The following FHOD3 variants were observed in gnomAD, a reference collection of about 807,000 sequenced individuals.
The protein encoded by FHOD3 is formin homology 2 domain containing 3.
FHOD3 carries 90 observed loss-of-function variants against 173.0 expected under a neutral mutation model. That is an observed-to-expected ratio of 0.52 (90% CI 0.44 to 0.62). The LOEUF (loss-of-function observed/expected upper bound fraction) is 0.62. FHOD3 is among the 20% of genes least tolerant of loss of function. FHOD3 has a pLI of 0.00. For synonymous variants in FHOD3, 828 were observed against 823.0 expected (o/e 1.01, Z -0.10); for missense variants, 1,945 against 2,034.7 (o/e 0.96, Z 0.85).
chr18:36,618,947 G>A (rs2033469485), intron 9 of FHOD3, among the ~76,000 whole-genome samples: 1 of 152,126 alleles, frequency 6.6e-6, no homozygotes, highest in South Asian at 2.1e-4. Flanking sequence ...TTTCAGTGGT[G>A]TCCTTATCAG....
intron 21 of FHOD3, among the ~76,000 whole-genome samples, 165 bp from the exon 22 acceptor site, chr18:36,742,572 G>A (rs2041955306): frequency 6.6e-6 from 1 of 152,108 alleles, no homozygotes; most frequent in Non-Finnish European, 1.5e-5. Flanking sequence ...GGGAGTAGAG[G>A]CTCTCCCTGC....
intron 20 of FHOD3, among the ~76,000 whole-genome samples, 163 bp downstream of exon 20, chr18:36,730,967 G>A (rs1393060706): frequency 2.0e-5 from 3 of 152,060 alleles, no homozygotes; most frequent in African/African-American, 7.3e-5. Context: ...GAGGGGAGGG[G>A]GAGTCTCACT....
At chr18:36,671,159 C>G (rs764026863) in intron 14 of FHOD3, among the ~76,000 whole-genome samples, 3 of 152,250 alleles carry the variant, frequency 2.0e-5, no homozygotes, top group Non-Finnish European at 4.4e-5. Context: ...AGGTCTCTCT[C>G]TCTCTGTATA....
chr18:36,464,610 A>G lies in FHOD3; in HGVS notation c.338-37322A>G, dbSNP rs559887250. On this transcript the variant is annotated intron_variant, in intron 3 of 28. Transcript: ENST00000590592. ...ACTTCTTTTCCTTTGGTGACTGCCA[A>G]TGTGATAACTTACAGAAGGGGAAAG... is the stretch of plus-strand genomic sequence containing the variant. Among the ~76,000 whole-genome samples, 13 of 152,268 alleles carry G rather than the reference A, an allele frequency of 8.5e-5. No individual in the cohort carries two copies. In the East Asian group the frequency reaches 1.4e-3, roughly 16 times the overall value.
rs754924572 is a variant in FHOD3, at chr18:36,602,705, C to A, written c.750C>A (p.Ile250=). The part of the protein sequence containing the change: ...GVKPWSNIME[I]LEEKDGVDTE... ...AACCTTGGTCAAATATCATGGAAAT[C>A]CTGGAGGAAAAAGATGGAGTTGATA... The change falls in exon 8 of 29, where the codon ATC becomes ATA. Residue 250 remains isoleucine, a synonymous_variant. Transcript: ENST00000590592. 1.2e-6 allele frequency: 2 copies of A among 1,614,096 alleles called. No individual in the cohort carries two copies. Among genetic ancestry groups the A allele is most frequent in the Non-Finnish European group, 8.5e-7 (1 of 1,180,002 alleles).
intron 1 of FHOD3, among the ~76,000 whole-genome samples, chr18:36,324,322 A>G (rs2044556249): frequency 6.6e-6 from 1 of 152,232 alleles, no homozygotes. Context: ...TTGAGAAGGC[A>G]AAGATTTCAA....
At chr18:36,300,519 A>G (rs1033304995) in intron 1 of FHOD3, among the ~76,000 whole-genome samples, 2 of 152,178 alleles carry the variant, frequency 1.3e-5, no homozygotes, top group African/African-American at 4.8e-5. Context: ...TGGGTGAGCT[A>G]TCATACCAGG....
chr18:36,551,276 G>C (rs1182560557), intron 5 of FHOD3, among the ~76,000 whole-genome samples: 2 of 151,944 alleles, frequency 1.3e-5, no homozygotes, highest in African/African-American at 4.8e-5. Flanking sequence ...TGTTGGATTT[G>C]GTTGGCTAAA....
At chr18:36,645,481 A>G (rs1210631021) in intron 10 of FHOD3, among the ~76,000 whole-genome samples, 1 of 152,100 alleles carries the variant, frequency 6.6e-6, no homozygotes, top group Non-Finnish European at 1.5e-5. Flanking sequence ...CTGCCATGAC[A>G]GGAGGGATGC....
At chr18:36,445,106 G>T (rs1197541960) in intron 3 of FHOD3, among the ~76,000 whole-genome samples, 1 of 152,222 alleles carries the variant, frequency 6.6e-6, no homozygotes. Context: ...ACAGTTAGTG[G>T]TTGTAGAGAT....
chr18:36,335,278 G>A (rs1414898847), intron 1 of FHOD3, among the ~76,000 whole-genome samples: 1 of 151,938 alleles, frequency 6.6e-6, no homozygotes, highest in East Asian at 1.9e-4. Context: ...GGCGGATCAC[G>A]AGGTCAGGAG....
At chr18:36,625,184 G>A (rs2034002637) in intron 9 of FHOD3, among the ~76,000 whole-genome samples, 1 of 152,166 alleles carries the variant, frequency 6.6e-6, no homozygotes, top group Non-Finnish European at 1.5e-5. Flanking sequence ...GATGGTGAAG[G>A]CCCGGGAAAT....
At position 36,612,227 on chromosome 18, in the gene FHOD3, T is replaced by A. The variant is rs1030975815; in HGVS notation, c.957+132T>A. On this transcript the variant is annotated intron_variant, in intron 9 of 28. Coordinates refer to ENST00000590592, the MANE Select transcript of FHOD3 (RefSeq NM_001281740.3). ...TTATTAGAAACTCAGCATCGTAGGC[T>A]TCACCCCAGACCTACTGAATCAGAA... is the stretch of plus-strand genomic sequence containing the variant. 165 of 955,568 alleles carry A rather than the reference T, an allele frequency of 1.7e-4. 1 individual carries two copies. The highest frequency in any genetic ancestry group is 1.5e-5 in the Non-Finnish European group (10 of 659,186). 59.2% of individuals were successfully genotyped at this position (955,568 alleles called of 1,614,324 possible). A position where few individuals can be genotyped will look rare whatever the true frequency, so the allele number is the denominator to read the frequency against.
intron 5 of FHOD3, among the ~76,000 whole-genome samples, chr18:36,567,305 G>C (rs1161709346): frequency 6.6e-6 from 1 of 152,172 alleles, no homozygotes; most frequent in African/African-American, 2.4e-5. Context: ...AAGAGATGGA[G>C]GAAGGGAAAA....
At chr18:36,680,281 A>G (rs1234929727) in intron 14 of FHOD3, among the ~76,000 whole-genome samples, 1 of 152,172 alleles carries the variant, frequency 6.6e-6, no homozygotes, top group Non-Finnish European at 1.5e-5. Flanking sequence ...TGTGGGACTC[A>G]TGGCAGTCTG....
chr18:36,385,884 G>C (rs1033487154), intron 3 of FHOD3, among the ~76,000 whole-genome samples: 2 of 152,178 alleles, frequency 1.3e-5, no homozygotes, highest in Non-Finnish European at 2.9e-5. Flanking sequence ...AGGGGCTGTT[G>C]GCATGGAGGA....
intron 27 of FHOD3, among the ~76,000 whole-genome samples, chr18:36,761,353 G>A (rs2042869995): frequency 6.6e-6 from 1 of 152,152 alleles, no homozygotes; most frequent in South Asian, 2.1e-4. Flanking sequence ...TCATTAGAAG[G>A]GATTAAGATG....
At chr18:36,552,561 C>T (rs1408373522) in intron 5 of FHOD3, among the ~76,000 whole-genome samples, 6 of 150,594 alleles carry the variant, frequency 4.0e-5, no homozygotes, top group Non-Finnish European at 5.9e-5. Flanking sequence ...TGCAGTGGCG[C>T]GATCTCGGCT....
intron 3 of FHOD3, among the ~76,000 whole-genome samples, chr18:36,448,583 G>T (rs1454557798): frequency 6.6e-6 from 1 of 152,078 alleles, no homozygotes; most frequent in Non-Finnish European, 1.5e-5. Context: ...TATACACAAG[G>T]CTCCCCGCCT....
Sources: gnomAD v4.1 joint callset for allele counts (sites outside exome capture counted in the v4.1 genomes callset) on GRCh38, gnomAD v4.1.1 for gene constraint, MANE v1.5 for transcripts, NCBI Gene and HGNC (gene_info 2026-07-23, HGNC 2026-07-21) for gene names.